Variants in HDLBP observed in about 807,000 individuals in gnomAD.
The protein encoded by HDLBP is vigilin.
HDLBP carries 30 observed loss-of-function variants against 137.3 expected under a neutral mutation model. That is an observed-to-expected ratio of 0.22 (90% CI 0.16 to 0.30). The LOEUF is 0.30. HDLBP is among the 10% of genes least tolerant of loss of function. HDLBP has a pLI of 1.00. For synonymous variants in HDLBP, 606 were observed against 596.0 expected (o/e 1.02, Z -0.24); for missense variants, 1,119 against 1,667.3 (o/e 0.67, Z 5.73).
chr2:241,296,567 C>T (rs1372396472), intron 1 of HDLBP, among the ~76,000 whole-genome samples: 1 of 152,166 alleles, frequency 6.6e-6, no homozygotes, highest in African/African-American at 2.4e-5. Context: ...TTTTCAATGT[C>T]TGGAAAACAT....
chr2:241,250,870 T>C (rs755472227), intron 11 of HDLBP: 2 of 151,234 alleles, frequency 1.3e-5, no homozygotes, highest in East Asian at 1.9e-4. Context: ...AGGAACTGCA[T>C]GAGAAGAAAA....
Position 241,240,464 on chromosome 2 carries a change from T to C in HDLBP, c.2170-342A>G, listed in dbSNP as rs1473708227. Among the ~76,000 whole-genome samples the C allele has an allele frequency of 6.6e-6, 1 of 151,640 alleles. No individual in the cohort carries two copies. The highest frequency in any genetic ancestry group is 1.5e-5 in the Non-Finnish European group (1 of 67,714). On this transcript the variant is annotated intron_variant, in intron 17 of 27. Transcript: ENST00000310931. This position sits in a 1 kb window ranked among gnomAD's most constrained non-coding sequence, Gnocchi z 5.5. ...GGTGGGAGCAACGCGCCGGACGATA[T>C]GTTGGCGGAGTGCACGTCCTGGGGA...
intron 1 of HDLBP, among the ~76,000 whole-genome samples, chr2:241,289,496 T>TA (rs1221604537): frequency 6.6e-6 from 1 of 152,154 alleles, no homozygotes; most frequent in Non-Finnish European, 1.5e-5. Flanking sequence ...TATGCAAAGT[T>TA]AGACAATGGA....
rs375276065 is a variant in HDLBP, at chr2:241,256,345, C to T, written c.712G>A (p.Ala238Thr). 1.7e-5 allele frequency: 27 copies of T among 1,613,774 alleles called. No individual in the cohort carries two copies. Among genetic ancestry groups the T allele is most frequent in the South Asian group, 3.3e-5 (3 of 91,068 alleles). The change falls in exon 7 of 28, where the codon GCT becomes ACT. Residue 238 changes from alanine (A) to threonine (T), a missense_variant. Physicochemically the swap from Ala to Thr is moderately conservative, Grantham distance 58. Coordinates refer to ENST00000310931, the MANE Select transcript of HDLBP (RefSeq NM_005336.6). The stretch of plus-strand genomic sequence containing the variant: ...CCAACCAGTCTATTATACGGCCCAG[C>T]GATGAAGGGGTGGAATGCCTTTTCT... ...EVEKAFHPFI[A>T]GPYNRLVGEI...
At chr2:241,303,205 C>T (rs1263566695) in intron 1 of HDLBP, among the ~76,000 whole-genome samples, 1 of 152,198 alleles carries the variant, frequency 6.6e-6, no homozygotes, top group Admixed American at 6.5e-5. Flanking sequence ...AGTCAGCCTG[C>T]ACTGTGTTTA....
rs776926351 is a variant in HDLBP, at chr2:241,242,600, G to A, written c.2029C>T (p.Arg677Cys). Residue 677 changes from arginine (R) to cysteine (C), a missense_variant, in exon 17 of 28, where the codon CGC (arginine) becomes TGC (cysteine). By Grantham distance (180) the Arg-to-Cys change is radical. Coordinates refer to ENST00000310931, the MANE Select transcript of HDLBP (RefSeq NM_005336.6). ...CCGCCGCACTCCTCCATGATGGAGC[G>A]GATCAGACGGCCCTTGGTGCCAATG... is the stretch of plus-strand genomic sequence containing the variant. ...SLIGTKGRLI[R>C]SIMEECGGVH... The A allele has an allele frequency of 3.1e-6, 5 of 1,614,112 alleles. No homozygotes were observed. Among genetic ancestry groups the A allele is most frequent in the African/African-American group, 1.3e-5 (1 of 74,940 alleles).
At chr2:241,312,671 T>C (rs2149731105) in intron 1 of HDLBP, among the ~76,000 whole-genome samples, 1 of 152,346 alleles carries the variant, frequency 6.6e-6, no homozygotes, top group South Asian at 2.1e-4. Flanking sequence ...AGGGAAAAGC[T>C]TTCGTATCAC....
rs62186378 is a variant in HDLBP at position 241,272,139 on chromosome 2, G to A, written c.-102-3598C>T. 144,434 of 980,778 alleles carry A rather than the reference G, an allele frequency of 0.15. 11,411 individuals carry two copies. The highest frequency in any genetic ancestry group is 0.16 in the Non-Finnish European group (129,970 of 825,658). 60.8% of individuals were successfully genotyped at this position (980,778 alleles called of 1,614,324 possible). A position where few individuals can be genotyped will look rare whatever the true frequency, so the allele number is the denominator to read the frequency against. Reference sequence around the variant, plus strand: ...CCAAGTTGCACTCCAGGCCCAAGAAGAGCAGCTTTCCCCACCCCCGAACAC... The same window carrying A: ...CCAAGTTGCACTCCAGGCCCAAGAAAAGCAGCTTTCCCCACCCCCGAACAC... On this transcript the variant is annotated intron_variant, in intron 1 of 27. Coordinates refer to ENST00000310931, the MANE Select transcript of HDLBP (RefSeq NM_005336.6). The surrounding 1 kb of genome is among the most constrained non-coding windows in gnomAD (Gnocchi z 5.6).
intron 3 of HDLBP, 153 bp downstream of exon 3, chr2:241,266,641 A>C (rs1177679972): frequency 3.2e-6 from 2 of 625,410 alleles, no homozygotes; most frequent in Non-Finnish European, 2.9e-6. Flanking sequence ...CACGCACAGC[A>C]ATGCGAAAAC....
At chr2:241,286,946 CAAAAAA>C (rs34791807) in intron 1 of HDLBP, among the ~76,000 whole-genome samples, 6 of 128,160 alleles carry the variant, frequency 4.7e-5, no homozygotes. Flanking sequence ...ACCCTGTTTC[CAAAAAA>C]AAAAAAAAAG....
chr2:241,314,020 T>C (rs1371905897), intron 1 of HDLBP, among the ~76,000 whole-genome samples: 1 of 152,220 alleles, frequency 6.6e-6, no homozygotes, highest in Admixed American at 6.5e-5. Flanking sequence ...AATTATTTAA[T>C]GGGGTTTCAA....
intron 1 of HDLBP, among the ~76,000 whole-genome samples, chr2:241,281,157 A>C (rs555870306): frequency 6.6e-6 from 1 of 152,210 alleles, no homozygotes; most frequent in South Asian, 2.1e-4. Context: ...AGAGATCGAG[A>C]TCAGCCTGAC....
intron 1 of HDLBP, among the ~76,000 whole-genome samples, chr2:241,313,588 A>G (rs2075827920): frequency 6.6e-6 from 1 of 152,154 alleles, no homozygotes; most frequent in African/African-American, 2.4e-5. Flanking sequence ...CGAAAAGACT[A>G]TATCCTCTCA....
intron 1 of HDLBP, among the ~76,000 whole-genome samples, chr2:241,287,699 G>A (rs1346974549): frequency 6.6e-6 from 1 of 152,248 alleles, no homozygotes; most frequent in Non-Finnish European, 1.5e-5. Flanking sequence ...TGGGATTACA[G>A]GTGTGAGCCA....
intron 1 of HDLBP, among the ~76,000 whole-genome samples, chr2:241,280,856 CTGTT>C (rs1464228423): frequency 6.6e-6 from 1 of 152,182 alleles, no homozygotes; most frequent in Admixed American, 6.5e-5. Context: ...AGGTATCTCA[CTGTT>C]TGGGAATGCT....
intron 1 of HDLBP, among the ~76,000 whole-genome samples, chr2:241,312,124 G>T (rs1106523): frequency 0.32 from 48,280 of 152,106 alleles, 8,392 homozygotes; most frequent in East Asian, 0.51. Context: ...CTCTACAAAT[G>T]ACATGAAGCT....
chr2:241,278,792 T>G (rs922636608), intron 1 of HDLBP, among the ~76,000 whole-genome samples: 2 of 152,158 alleles, frequency 1.3e-5, no homozygotes, highest in African/African-American at 4.8e-5. Flanking sequence ...ATTAAAAAGT[T>G]CAGTAAGTTT....
At chr2:241,268,278 A>C (rs2073826323) in intron 2 of HDLBP, 199 bp downstream of exon 2, 1 of 167,978 alleles carries the variant, frequency 6.0e-6, no homozygotes, top group South Asian at 2.0e-4. Flanking sequence ...GCCAGATGAC[A>C]CATCTAAGGG....
At chr2:241,310,685 A>C (rs2075732163) in intron 1 of HDLBP, among the ~76,000 whole-genome samples, 1 of 152,216 alleles carries the variant, frequency 6.6e-6, no homozygotes, top group Non-Finnish European at 1.5e-5. Context: ...AATAGGAAGA[A>C]ATCAAAGCAA....
Sources: gnomAD v4.1 joint callset for allele counts (sites outside exome capture counted in the v4.1 genomes callset) on GRCh38, gnomAD v4.1.1 for gene constraint, Gnocchi (gnomAD v3.1) non-coding constraint, MANE v1.5 for transcripts, NCBI Gene and HGNC (gene_info 2026-07-23, HGNC 2026-07-21) for gene names.